Variants in LRGUK observed in about 807,000 individuals in gnomAD.
LRGUK encodes the protein leucine rich repeats and guanylate kinase domain containing, also known as leucine-rich repeat and guanylate kinase domain-containing protein.
In LRGUK, 65 loss-of-function variants were observed where a neutral mutation model predicts 76.0. That is an observed-to-expected ratio of 0.85 (90% CI 0.70 to 1.05). LRGUK has a LOEUF of 1.05. Among genes scored for constraint, LRGUK ranks in the 50% least tolerant of loss-of-function variants. LRGUK has a pLI of 0.00. For synonymous variants in LRGUK, 268 were observed against 265.6 expected (o/e 1.01, Z -0.09); for missense variants, 758 against 732.8 (o/e 1.03, Z -0.40).
intron 1 of LRGUK, among the ~76,000 whole-genome samples, chr7:134,132,363 A>T (rs749928691): frequency 3.4e-5 from 5 of 148,964 alleles, no homozygotes; most frequent in Non-Finnish European, 6.0e-5. Flanking sequence ...TCAAAAAAAT[A>T]AAAAAAAAAG....
intron 7 of LRGUK, among the ~76,000 whole-genome samples, chr7:134,166,414 G>T (rs1798985062): frequency 6.6e-6 from 1 of 152,118 alleles, no homozygotes; most frequent in Non-Finnish European, 1.5e-5. Flanking sequence ...ATCCCAAGCT[G>T]TTAGCTCTAT....
chr7:134,195,081 T>C (rs1393912885), intron 12 of LRGUK, among the ~76,000 whole-genome samples: 1 of 151,970 alleles, frequency 6.6e-6, no homozygotes, highest in Non-Finnish European at 1.5e-5. Flanking sequence ...CAAGCTGTCT[T>C]CCTGTACTGA....
At chr7:134,258,656 A>G (rs938547289) in intron 19 of LRGUK, among the ~76,000 whole-genome samples, 1 of 151,858 alleles carries the variant, frequency 6.6e-6, no homozygotes, top group Non-Finnish European at 1.5e-5. Flanking sequence ...CCGAGATCAC[A>G]CTACTGCACT....
At chr7:134,141,207 G>T (rs12540359) in intron 3 of LRGUK, among the ~76,000 whole-genome samples, 15,409 of 151,944 alleles carry the variant, frequency 0.1, 1,006 homozygotes, top group Non-Finnish European at 0.14. Flanking sequence ...GTAAAGTACC[G>T]CATATGTTTC....
At chr7:134,146,145 G>A (rs1222406) in intron 4 of LRGUK, among the ~76,000 whole-genome samples, 34,381 of 151,900 alleles carry the variant, frequency 0.23, 4,936 homozygotes, top group South Asian at 0.35. Context: ...ATGATGGTGG[G>A]AGCCTATAGT....
chr7:134,270,899 C>G, the LRGUK span, among the ~76,000 whole-genome samples: 1 of 151,970 alleles, frequency 6.6e-6, no homozygotes, highest in Non-Finnish European at 1.5e-5. Context: ...TCAGATATTA[C>G]TATAGTGGTT....
exon 16 of LRGUK, chr7:134,210,226 C>T (rs1801194565): frequency 2.5e-6 from 1 of 399,052 alleles, no homozygotes; most frequent in Non-Finnish European, 4.4e-6. Context: ...ATCCCAACCC[C>T]AGCCCTCCTC....
In LRGUK at chr7:134,177,079, A is replaced by C; in HGVS notation, c.1107+16A>C. ...GGAAGAAAAGGTATGTAATCATGTCATAACATTACCATTGTGTTATTGGGT... is the reference window on the plus strand; with the variant it reads ...GGAAGAAAAGGTATGTAATCATGTCCTAACATTACCATTGTGTTATTGGGT... On this transcript the variant is annotated intron_variant, in intron 9 of 15. Coordinates refer to ENST00000645682, the Ensembl canonical transcript of LRGUK. 23 of 1,505,190 alleles carry C rather than the reference A, an allele frequency of 1.5e-5. No individual in the cohort carries two copies. Among genetic ancestry groups the C allele is most frequent in the Non-Finnish European group, 1.9e-5 (21 of 1,088,896 alleles). The allele number at this position is 1,505,190 out of a possible 1,614,324, so 93.2% of individuals were successfully genotyped here. A position where few individuals can be genotyped will look rare whatever the true frequency, so the allele number is the denominator to read the frequency against.
intron 1 of LRGUK, among the ~76,000 whole-genome samples, chr7:134,128,501 T>C (rs1797127162): frequency 6.6e-6 from 1 of 152,256 alleles, no homozygotes; most frequent in African/African-American, 2.4e-5. Flanking sequence ...TTCTCTTGGC[T>C]TCTAATAAAT....
chr7:134,203,590 T>A (rs896655220), intron 15 of LRGUK, among the ~76,000 whole-genome samples: 2 of 152,178 alleles, frequency 1.3e-5, no homozygotes, highest in Non-Finnish European at 2.9e-5. Flanking sequence ...TCTCCATATG[T>A]CTTATAGGAG....
downstream of LRGUK, among the ~76,000 whole-genome samples, chr7:134,269,108 A>G (rs1802914197): frequency 6.6e-6 from 1 of 152,070 alleles, no homozygotes. Flanking sequence ...CCAGTTGTAC[A>G]AAGAGCTACT....
In LRGUK at chr7:134,226,272, G is replaced by A. The variant is rs188518511; in HGVS notation, c.1983+4354G>A. 7.1e-4 allele frequency among the ~76,000 whole-genome samples: 105 copies of A among 147,114 alleles called. 3 individuals are homozygous for A. Among genetic ancestry groups the A allele is most frequent in the Admixed American group, 6.8e-3 (101 of 14,840 alleles). ...TGTGTGTGTGTGTGTTTCTGGTTCT[G>A]TTTCTGTTTCTCTGAAGCACCATTC... On this transcript the variant is annotated intron_variant, in intron 16 of 19. Coordinates refer to the LRGUK transcript ENST00000285928.
chr7:134,163,269 G>A (rs976149651), intron 6 of LRGUK, 128 bp from the exon 7 acceptor site: 11 of 729,100 alleles, frequency 1.5e-5, no homozygotes, highest in Non-Finnish European at 2.4e-5. Context: ...TGGGATGGAG[G>A]GAAGGACAAG....
chr7:134,183,675 A>C, intron 10 of LRGUK, 59 bp from the exon 11 acceptor site: 1 of 1,601,608 alleles, frequency 6.2e-7, no homozygotes. Context: ...TAATGGATGT[A>C]GTTAATGTGC....
chr7:134,264,575 G>C (rs1802822382), exon 20 of LRGUK: 1 of 152,196 alleles, frequency 6.6e-6, no homozygotes, highest in South Asian at 2.1e-4. Context: ...AAAGAATAAA[G>C]AGCAACAGTT....
chr7:134,222,273 C>T (rs1801619070), intron 16 of LRGUK, among the ~76,000 whole-genome samples: 1 of 152,172 alleles, frequency 6.6e-6, no homozygotes. Flanking sequence ...TTTGAGTATT[C>T]TTGGGCTGAG....
chr7:134,187,658 G>A (rs774573023), intron 11 of LRGUK, among the ~76,000 whole-genome samples: 1 of 152,180 alleles, frequency 6.6e-6, no homozygotes, highest in Non-Finnish European at 1.5e-5. Flanking sequence ...GTGACCTGGA[G>A]ATATACATTT....
intron 1 of LRGUK, among the ~76,000 whole-genome samples, chr7:134,135,755 A>G (rs964241606): frequency 2.0e-4 from 30 of 152,172 alleles, no homozygotes; most frequent in African/African-American, 7.2e-4. Flanking sequence ...TCCTGGGTTC[A>G]CGCCATTCTC....
chr7:134,243,968 A>G (rs1440872491), intron 16 of LRGUK, among the ~76,000 whole-genome samples: 1 of 152,230 alleles, frequency 6.6e-6, no homozygotes, highest in African/African-American at 2.4e-5. Flanking sequence ...TCCCTATTTA[A>G]TAAATGGTGC....
Sources: gnomAD v4.1 joint callset for allele counts (sites outside exome capture counted in the v4.1 genomes callset) on GRCh38, gnomAD v4.1.1 for gene constraint, MANE v1.5 for transcripts, NCBI Gene and HGNC (gene_info 2026-07-23, HGNC 2026-07-21) for gene names.